SLC30A10: variants seen among roughly 807,000 people sequenced by gnomAD.
SLC30A10 encodes the protein solute carrier family 30 member 10.
SLC30A10 carries 8 observed loss-of-function variants against 21.7 expected under a neutral mutation model. The ratio of observed to expected loss-of-function variants is 0.37; its 90% CI spans 0.22 to 0.67. The LOEUF (loss-of-function observed/expected upper bound fraction) is 0.67. Ranked by LOEUF, SLC30A10 falls within the 30% of genes least tolerant of loss-of-function variation. The probability of loss-of-function intolerance (pLI) is 0.58; values close to 1 mark genes in which losing one functional copy is unlikely to be tolerated. For synonymous variants in SLC30A10, 272 were observed against 279.4 expected (o/e 0.97, Z 0.26); for missense variants, 521 against 642.5 (o/e 0.81, Z 2.04).
chr1:219,947,626 A>T (rs536695747), intron 1 of SLC30A10, among the ~76,000 whole-genome samples: 71 of 152,238 alleles, frequency 4.7e-4, no homozygotes, highest in African/African-American at 1.7e-3. Context: ...CATTCTAAGG[A>T]CAGGGAATCT....
chr1:219,957,102 C>G (rs1485104432), intron 1 of SLC30A10, among the ~76,000 whole-genome samples: 1 of 152,138 alleles, frequency 6.6e-6, no homozygotes. Context: ...TAGTAATTTT[C>G]ACGATGATTG....
chr1:219,928,565 C>G, upstream of SLC30A10: 4 of 828,590 alleles, frequency 4.8e-6, no homozygotes, highest in Non-Finnish European at 5.2e-6. The surrounding 1 kb of genome is among the most constrained non-coding windows in gnomAD (Gnocchi z 6.3). Flanking sequence ...ATTGTCTCGC[C>G]GGCCCTGCCC....
At position 219,912,782 on chromosome 1, in the gene SLC30A10, C is replaced by A. The variant is rs905667828; in HGVS notation, c.*2667G>T. 6.6e-6 allele frequency among the ~76,000 whole-genome samples: 1 copy of A among 151,824 alleles called. No individual in the cohort carries two copies. Among genetic ancestry groups the A allele is most frequent in the African/African-American group, 2.4e-5 (1 of 41,330 alleles). On this transcript the variant is annotated 3_prime_UTR_variant, in exon 4 of 4. Transcript: ENST00000366926. ...CCAGGAGGCAGAGCTTGCAGTGAGC[C>A]GAGATAGCACCACTGCACTCCAGCC...
In SLC30A10 at chr1:219,927,890, G is replaced by A; in HGVS notation, c.551C>T (p.Ala184Val). The change falls in exon 1 of 4, where the codon GCC (alanine) becomes GTC (valine). Residue 184 changes from alanine (A) to valine (V), a missense_variant. Physicochemically the swap from Ala to Val is moderately conservative, Grantham distance 64 (BLOSUM62 0). Transcript: ENST00000366926. Reference sequence around the variant, plus strand: ...GGTTACGGCCGAGTCCGAGCCTGGGGCTGTCGGGTCCGCCGCGCGCCGCGG... The same window carrying A: ...GGTTACGGCCGAGTCCGAGCCTGGGACTGTCGGGTCCGCCGCGCGCCGCGG... ...EDPRRAADPTAPGSDSAVTLR... is the reference protein window; with the variant it reads ...EDPRRAADPTVPGSDSAVTLR... The A allele has an allele frequency of 6.5e-7, 1 of 1,541,330 alleles. No homozygotes were observed. Among genetic ancestry groups the A allele is most frequent in the Non-Finnish European group, 8.7e-7 (1 of 1,143,712 alleles).
In SLC30A10 at chr1:219,918,370, G is replaced by A; in HGVS notation, c.843C>T (p.Pro281=). The change falls in exon 3 of 4, where the codon CCC becomes CCT. Residue 281 remains proline (P), a synonymous_variant. Coordinates refer to ENST00000366926, the MANE Select transcript of SLC30A10 (RefSeq NM_018713.3). This position sits in a 1 kb window ranked among gnomAD's most constrained non-coding sequence, Gnocchi z 4.4. ...DPCNWQCYID[P]SLTVLMVIII... is the part of the protein sequence containing the mutation. ...TGATGACCATGAGGACAGTCAGGCTGGGGTCAATGTAACACTGCCAGTTAC... is the reference window on the plus strand; with the variant it reads ...TGATGACCATGAGGACAGTCAGGCTAGGGTCAATGTAACACTGCCAGTTAC... 2 of 1,614,094 alleles carry A rather than the reference G, an allele frequency of 1.2e-6. No individual in the cohort carries two copies. Among genetic ancestry groups the A allele is most frequent in the Non-Finnish European group, 1.7e-6 (2 of 1,180,032 alleles).
At position 219,925,559 on chromosome 1, in the gene SLC30A10, T is replaced by TAACAG. The variant is rs1207960236; in HGVS notation, c.718+1464_718+1468dup. On this transcript the variant is annotated intron_variant, in intron 2 of 3. Coordinates refer to ENST00000366926, the MANE Select transcript of SLC30A10 (RefSeq NM_018713.3). ...AAAGAAGAAAAAAAATGAGGATACT[T>TAACAG]AACAGAACAGGCTTTGAAAAGTTAA... Among the ~76,000 whole-genome samples the TAACAG allele has an allele frequency of 2.0e-5, 3 of 147,316 alleles. No individual in the cohort carries two copies. The South Asian group carries it at 6.6e-4, about 33-fold the overall frequency.
rs1371719750 is a variant in SLC30A10 at position 219,914,529 on chromosome 1, C to T, written c.*920G>A. On this transcript the variant is annotated 3_prime_UTR_variant, in exon 4 of 4. Coordinates refer to ENST00000366926, the MANE Select transcript of SLC30A10 (RefSeq NM_018713.3). ...GAATTAACACTCAGTGTTATGCATT[C>T]TGCTATCCCAGGAATACTCTTTTCT... The T allele has an allele frequency of 6.6e-6, 1 of 152,182 alleles. No homozygotes were observed. Among genetic ancestry groups the T allele is most frequent in the Non-Finnish European group, 1.5e-5 (1 of 68,032 alleles). 9.4% of individuals were successfully genotyped at this position (152,182 alleles called of 1,614,324 possible).
At chr1:219,952,616 A>T (rs1047302409) in intron 1 of SLC30A10, among the ~76,000 whole-genome samples, 13 of 152,212 alleles carry the variant, frequency 8.5e-5, no homozygotes, top group African/African-American at 3.1e-4. Context: ...AATGGAAATA[A>T]ATAGCAAGTA....
intron 1 of SLC30A10, among the ~76,000 whole-genome samples, chr1:219,935,149 A>G (rs1050245260): frequency 2.0e-5 from 3 of 152,222 alleles, no homozygotes; most frequent in Non-Finnish European, 2.9e-5. Flanking sequence ...AGCAAAAAGA[A>G]CTACAAGTTG....
intron 1 of SLC30A10, among the ~76,000 whole-genome samples, chr1:219,934,704 G>A (rs925522644): frequency 6.6e-6 from 1 of 152,158 alleles, no homozygotes; most frequent in Non-Finnish European, 1.5e-5. Flanking sequence ...TAAAAGCTGG[G>A]TAATGGCTAA....
upstream of SLC30A10, among the ~76,000 whole-genome samples, chr1:219,958,973 C>G (rs1233016010): frequency 6.6e-6 from 1 of 152,162 alleles, no homozygotes; most frequent in East Asian, 1.9e-4. Flanking sequence ...ATGCTAACGA[C>G]GCACATGAGG....
chr1:219,925,359 C>T (rs1659788512), intron 2 of SLC30A10, among the ~76,000 whole-genome samples: 1 of 151,760 alleles, frequency 6.6e-6, no homozygotes, highest in African/African-American at 2.4e-5. Context: ...CATGGTGAAA[C>T]CCCGTTTCTG....
intron 1 of SLC30A10, among the ~76,000 whole-genome samples, chr1:219,941,531 CCCTT>C (rs1297770013): frequency 1.2e-4 from 12 of 97,148 alleles, no homozygotes; most frequent in South Asian, 9.6e-4. Flanking sequence ...CTCTCTTCTT[CCCTT>C]CCTTCCTTCC....
upstream of SLC30A10, among the ~76,000 whole-genome samples, chr1:219,931,603 C>G (rs1659970858): frequency 1.3e-5 from 2 of 152,132 alleles, no homozygotes; most frequent in South Asian, 4.1e-4. Context: ...GCCTCAGCCT[C>G]CCGAGTAGCT....
intron 1 of SLC30A10, among the ~76,000 whole-genome samples, chr1:219,943,138 A>G (rs1253071506): frequency 2.0e-5 from 3 of 152,216 alleles, no homozygotes; most frequent in East Asian, 3.8e-4. Context: ...AGAATCAGAC[A>G]TGCAAAAATT....
At position 219,915,213 on chromosome 1, in the gene SLC30A10, T is replaced by G. The variant is rs1473387471; in HGVS notation, c.*236A>C. The G allele has an allele frequency of 3.1e-5, 17 of 548,288 alleles. No homozygotes were observed. The highest frequency in any genetic ancestry group is 1.3e-5 in the Non-Finnish European group (4 of 307,576). The allele number at this position is 548,288 out of a possible 1,614,324, so 34.0% of individuals were successfully genotyped here. A position where few individuals can be genotyped will look rare whatever the true frequency, so the allele number is the denominator to read the frequency against. On this transcript the variant is annotated 3_prime_UTR_variant, in exon 4 of 4. Transcript: ENST00000366926. ...GCAGTTTGCTTTAGAAAATGCATGT[T>G]CAAGCTGAAACAGTCAAAGAGCAGC...
At chr1:219,919,852 A>G (rs1461574683) in intron 2 of SLC30A10, among the ~76,000 whole-genome samples, 1 of 152,014 alleles carries the variant, frequency 6.6e-6, no homozygotes, top group Non-Finnish European at 1.5e-5. Flanking sequence ...AGAAGAAAGC[A>G]TATATATTAA....
upstream of SLC30A10, among the ~76,000 whole-genome samples, chr1:219,931,789 A>T (rs1021729363): frequency 1.3e-5 from 2 of 152,100 alleles, no homozygotes; most frequent in African/African-American, 2.4e-5. Context: ...CCAGCATTTT[A>T]TACTTAACAG....
Position 219,927,928 on chromosome 1 carries a change from C to G in SLC30A10, c.513G>C (p.Gln171His), listed in dbSNP as rs1176413148. The part of the protein sequence containing the change: ...GCVPGAFGGP[Q>H]GAEDPRRAAD... Reference sequence around the variant, plus strand: ...CCGCGCGCCGCGGGTCCTCCGCGCCCTGAGGCCCCCCGAAAGCGCCGGGGA... The same window carrying G: ...CCGCGCGCCGCGGGTCCTCCGCGCCGTGAGGCCCCCCGAAAGCGCCGGGGA... Residue 171 changes from glutamine (Q) to histidine (H), a missense_variant, in exon 1 of 4, where the codon CAG becomes CAC. Gln to His is a conservative substitution (Grantham distance 24). Coordinates refer to ENST00000366926, the MANE Select transcript of SLC30A10 (RefSeq NM_018713.3). 3 of 1,538,168 alleles carry G rather than the reference C, an allele frequency of 2.0e-6. No homozygotes were observed. Among genetic ancestry groups the G allele is most frequent in the Non-Finnish European group, 2.6e-6 (3 of 1,142,116 alleles).
Sources: allele counts gnomAD v4.1 joint callset (sites outside exome capture counted in the v4.1 genomes callset), GRCh38; gene constraint gnomAD v4.1.1; non-coding constraint Gnocchi (gnomAD v3.1); transcripts MANE v1.5; gene names NCBI Gene and HGNC (gene_info 2026-07-23, HGNC 2026-07-21).